Variants in XKR4 observed in about 807,000 individuals in gnomAD.
XKR4 encodes the protein XK-related protein 4.
In XKR4, 12 loss-of-function variants were observed where a neutral mutation model predicts 53.9. The ratio of observed to expected loss-of-function variants is 0.22; its 90% CI spans 0.14 to 0.36. XKR4 has a LOEUF of 0.36. Among genes scored for constraint, XKR4 ranks in the 10% least tolerant of loss-of-function variants. The pLI is 1.00. For synonymous variants in XKR4, 354 were observed against 362.4 expected (o/e 0.98, Z 0.26); for missense variants, 799 against 859.5 (o/e 0.93, Z 0.88).
chr8:55,487,481 C>T (rs11988228), intron 2 of XKR4, among the ~76,000 whole-genome samples: 50,658 of 123,660 alleles, frequency 0.41, 10,562 homozygotes, highest in African/African-American at 0.64. Flanking sequence ...TTTTTTTTTT[C>T]TTGAGACAGA....
At chr8:55,351,641 A>G (rs1455290677) in intron 1 of XKR4, among the ~76,000 whole-genome samples, 1 of 151,940 alleles carries the variant, frequency 6.6e-6, no homozygotes, top group African/African-American at 2.4e-5. Context: ...TAATTTGTTC[A>G]CTCCCTGCAA....
At chr8:55,454,077 C>T (rs1036478880) in intron 2 of XKR4, 49 of 822,526 alleles carry the variant, frequency 6.0e-5, no homozygotes, top group Non-Finnish European at 8.4e-5. Context: ...AGCTCTTTGT[C>T]CTGCATATTC....
At chr8:55,287,570 G>T (rs1197996951) in intron 1 of XKR4, among the ~76,000 whole-genome samples, 1 of 152,200 alleles carries the variant, frequency 6.6e-6, no homozygotes. Context: ...AATGAGTGCT[G>T]CATTGCACCA....
rs118154519 is a variant in XKR4, at chr8:55,285,501, A to T, written c.807-72177A>T. 2.8e-3 allele frequency among the ~76,000 whole-genome samples: 430 copies of T among 152,298 alleles called. 4 individuals carry two copies. In the East Asian group the frequency reaches 0.05, roughly 18 times the overall value. On this transcript the variant is annotated intron_variant, in intron 1 of 2. Coordinates refer to ENST00000327381, the MANE Select transcript of XKR4 (RefSeq NM_052898.2). The stretch of plus-strand genomic sequence containing the variant: ...GATATGCATGACAGAGGAGAGAAGG[A>T]GGGAAGGAGGGAGGAAAGGAGGAGG...
At chr8:55,148,429 A>G (rs1239984029) in intron 1 of XKR4, among the ~76,000 whole-genome samples, 1 of 151,928 alleles carries the variant, frequency 6.6e-6, no homozygotes, top group Non-Finnish European at 1.5e-5. Context: ...TATATATACC[A>G]TAGCTTAGGT....
At chr8:55,420,572 C>T (rs1025203712) in intron 2 of XKR4, among the ~76,000 whole-genome samples, 9 of 136,614 alleles carry the variant, frequency 6.6e-5, no homozygotes, top group South Asian at 2.2e-4. Flanking sequence ...ACTCATAGGT[C>T]GGAATTGAAC....
At chr8:55,482,236 G>A (rs1458472984) in intron 2 of XKR4, among the ~76,000 whole-genome samples, 2 of 152,052 alleles carry the variant, frequency 1.3e-5, no homozygotes, top group African/African-American at 2.4e-5. Flanking sequence ...ATGAGTTCAT[G>A]TCCTTTGTAG....
chr8:55,466,734 G>T (rs1805779679), intron 2 of XKR4, among the ~76,000 whole-genome samples: 1 of 152,066 alleles, frequency 6.6e-6, no homozygotes, highest in Non-Finnish European at 1.5e-5. Context: ...AATATATGAT[G>T]TATCAGAATG....
At chr8:55,454,104 T>G in intron 2 of XKR4, 2 of 828,364 alleles carry the variant, frequency 2.4e-6, no homozygotes, top group East Asian at 5.0e-5. Context: ...GAGGGGGACG[T>G]CATGGGTGGA....
Position 55,524,773 on chromosome 8 carries a change from C to A in XKR4, c.*546C>A, listed in dbSNP as rs1231540760. Reference sequence around the variant, plus strand: ...TTGCTTAGAAAAGAAACCATTTTCTCATTTGGAAATCCATACCATGTGTGA... The same window carrying A: ...TTGCTTAGAAAAGAAACCATTTTCTAATTTGGAAATCCATACCATGTGTGA... On this transcript the variant is annotated 3_prime_UTR_variant, in exon 3 of 3. Transcript: ENST00000327381. 6.5e-6 allele frequency: 1 copy of A among 152,868 alleles called. No individual in the cohort carries two copies. Among genetic ancestry groups the A allele is most frequent in the Admixed American group, 6.5e-5 (1 of 15,298 alleles). The allele number at this position is 152,868 out of a possible 1,614,324, so 9.5% of individuals were successfully genotyped here. A position where few individuals can be genotyped will look rare whatever the true frequency, so the allele number is the denominator to read the frequency against.
chr8:55,497,552 C>T (rs987273780), intron 2 of XKR4, among the ~76,000 whole-genome samples: 8 of 152,268 alleles, frequency 5.3e-5, no homozygotes, highest in African/African-American at 1.4e-4. Context: ...CAAGAAGACC[C>T]CACTTCAGAA....
intron 2 of XKR4, among the ~76,000 whole-genome samples, chr8:55,410,787 T>C (rs1489196999): frequency 6.6e-6 from 1 of 152,222 alleles, no homozygotes; most frequent in Non-Finnish European, 1.5e-5. Context: ...TTAAAAGTAG[T>C]ACCTGTGGTC....
At chr8:55,478,495 T>C (rs1184989832) in intron 2 of XKR4, among the ~76,000 whole-genome samples, 3 of 151,830 alleles carry the variant, frequency 2.0e-5, no homozygotes, top group Non-Finnish European at 1.5e-5. Flanking sequence ...CATCAACTAA[T>C]GAGCAAAATA....
At chr8:55,129,273 G>A (rs1016858207) in intron 1 of XKR4, among the ~76,000 whole-genome samples, 4 of 152,224 alleles carry the variant, frequency 2.6e-5, no homozygotes, top group African/African-American at 9.6e-5. Context: ...CTAAGACAAA[G>A]AAATAATGCC....
intron 2 of XKR4, among the ~76,000 whole-genome samples, chr8:55,379,348 T>A (rs1463312074): frequency 2.6e-5 from 4 of 152,098 alleles, no homozygotes; most frequent in Non-Finnish European, 5.9e-5. Flanking sequence ...ATTTACCAAA[T>A]TACAAAAAAA....
chr8:55,319,729 G>A (rs1242067580), intron 1 of XKR4, among the ~76,000 whole-genome samples: 1 of 152,156 alleles, frequency 6.6e-6, no homozygotes, highest in Non-Finnish European at 1.5e-5. Context: ...TTAGGCAAAA[G>A]CTATTTTCAT....
chr8:55,272,758 A>T (rs10504189), intron 1 of XKR4: 54,374 of 362,046 alleles, frequency 0.15, 4,598 homozygotes, highest in Non-Finnish European at 0.19. Context: ...GCTACCAATG[A>T]CATCTCTGTT....
chr8:55,412,306 G>C (rs780829823), intron 2 of XKR4, among the ~76,000 whole-genome samples: 12 of 152,196 alleles, frequency 7.9e-5, no homozygotes, highest in Admixed American at 1.3e-4. Flanking sequence ...GGACAACTCT[G>C]AGATTTCTAA....
chr8:55,391,692 A>C (rs1804445035), intron 2 of XKR4, among the ~76,000 whole-genome samples: 1 of 152,206 alleles, frequency 6.6e-6, no homozygotes, highest in Non-Finnish European at 1.5e-5. Flanking sequence ...TTGACTTTAG[A>C]AATATATATT....
Sources: allele counts gnomAD v4.1 joint callset (sites outside exome capture counted in the v4.1 genomes callset), GRCh38; gene constraint gnomAD v4.1.1; transcripts MANE v1.5; gene names NCBI Gene and HGNC (gene_info 2026-07-23, HGNC 2026-07-21).